The following AGAP1 variants were observed in gnomAD, a reference collection of about 807,000 sequenced individuals.
AGAP1 encodes ArfGAP with GTPase domain, ankyrin repeat and PH domain 1, also known as arf-GAP with GTPase, ANK repeat and PH domain-containing protein 1.
AGAP1 carries 29 observed loss-of-function variants against 105.3 expected under a neutral mutation model. The ratio of observed to expected loss-of-function variants is 0.28; its 90% CI spans 0.21 to 0.38. The LOEUF (loss-of-function observed/expected upper bound fraction) is 0.38. AGAP1 is among the 10% of genes least tolerant of loss of function. The pLI is 1.00. For synonymous variants in AGAP1, 509 were observed against 485.9 expected (o/e 1.05, Z -0.63); for missense variants, 998 against 1,165.1 (o/e 0.86, Z 2.09).
At chr2:235,743,132 A>G (rs144489040) in intron 4 of AGAP1, among the ~76,000 whole-genome samples, 4,495 of 152,290 alleles carry the variant, frequency 0.03, 231 homozygotes, top group African/African-American at 0.1. Context: ...TCACCACTGC[A>G]CTCCAGCCTG....
chr2:235,873,977 C>T (rs186655404), intron 9 of AGAP1, among the ~76,000 whole-genome samples: 10 of 152,318 alleles, frequency 6.6e-5, no homozygotes, highest in Non-Finnish European at 1.2e-4. Context: ...AGTCCCCTCG[C>T]CTCCATCTCC....
chr2:235,521,724 T>A (rs1942620607), intron 1 of AGAP1, among the ~76,000 whole-genome samples: 1 of 136,762 alleles, frequency 7.3e-6, no homozygotes, highest in Admixed American at 8.0e-5. Context: ...CAGTTTCTTG[T>A]TTTTGTTTGT....
chr2:235,689,653 T>G lies in AGAP1; in HGVS notation c.164-19526T>G, dbSNP rs930712632. On this transcript the variant is annotated intron_variant, in intron 1 of 17. Coordinates refer to ENST00000304032, the MANE Select transcript of AGAP1 (RefSeq NM_001037131.3). The surrounding 1 kb of genome is among the most constrained non-coding windows in gnomAD (Gnocchi z 4.2). Reference sequence around the variant, plus strand: ...GTCACCATAGGGACCTCCCCTAACCTCAAATCTGTGTAATGAAGTATCTGC... The same window carrying G: ...GTCACCATAGGGACCTCCCCTAACCGCAAATCTGTGTAATGAAGTATCTGC... Among the ~76,000 whole-genome samples the G allele has an allele frequency of 6.6e-6, 1 of 152,214 alleles. No individual in the cohort carries two copies. The highest frequency in any genetic ancestry group is 1.5e-5 in the Non-Finnish European group (1 of 68,028).
At position 235,556,988 on chromosome 2, in the gene AGAP1, T is replaced by G. The variant is rs1287613617; in HGVS notation, c.163+62139T>G. Among the ~76,000 whole-genome samples, 2 of 152,206 alleles carry G rather than the reference T, an allele frequency of 1.3e-5. No individual in the cohort carries two copies. Among genetic ancestry groups the G allele is most frequent in the African/African-American group, 4.8e-5 (2 of 41,450 alleles). On this transcript the variant is annotated intron_variant, in intron 1 of 17. Coordinates refer to ENST00000304032, the MANE Select transcript of AGAP1 (RefSeq NM_001037131.3). This position sits in a 1 kb window ranked among gnomAD's most constrained non-coding sequence, Gnocchi z 5.3. ...TATAGCGTTTAGTGCACACCTCTTT[T>G]GTGCAACTCAGGGCTTTCTGGAGGT...
chr2:235,939,941 T>TC (rs1363867656), intron 12 of AGAP1, among the ~76,000 whole-genome samples: 3 of 151,928 alleles, frequency 2.0e-5, no homozygotes, highest in African/African-American at 7.3e-5. Flanking sequence ...CAAATTCACA[T>TC]CCCCAGCCAT....
At position 236,123,368 on chromosome 2, in the gene AGAP1, G is replaced by T. The variant is rs1201523769; in HGVS notation, c.2371-551G>T. On this transcript the variant is annotated intron_variant, in intron 17 of 17. Transcript: ENST00000304032. This position sits in a 1 kb window ranked among gnomAD's most constrained non-coding sequence, Gnocchi z 4.6. ...GTGCTTCTGAGTAATTTTTAATGAT[G>T]TAAGAAAATGATCACAGTATAGTAA... Among the ~76,000 whole-genome samples, 1 of 151,988 alleles carries T rather than the reference G, an allele frequency of 6.6e-6. No homozygotes were observed. The highest frequency in any genetic ancestry group is 1.9e-4 in the East Asian group (1 of 5,192).
At position 235,566,793 on chromosome 2, in the gene AGAP1, G is replaced by A. The variant is rs952683029; in HGVS notation, c.163+71944G>A. Among the ~76,000 whole-genome samples, 10 of 152,174 alleles carry A rather than the reference G, an allele frequency of 6.6e-5. No homozygotes were observed. Among genetic ancestry groups the A allele is most frequent in the African/African-American group, 2.2e-4 (9 of 41,434 alleles). On this transcript the variant is annotated intron_variant, in intron 1 of 17. Transcript: ENST00000304032. The surrounding 1 kb of genome is among the most constrained non-coding windows in gnomAD (Gnocchi z 5.2). ...CCCGTGTTAGTTTCCTGTGGCTGCC[G>A]TAACAGCCACAAACTAGGTGGCTTA...
intron 9 of AGAP1, among the ~76,000 whole-genome samples, chr2:235,851,534 C>A (rs1459787504): frequency 1.3e-5 from 2 of 152,120 alleles, no homozygotes; most frequent in African/African-American, 4.8e-5. Flanking sequence ...TGTGTTCTTG[C>A]AGTTACTTGC....
chr2:236,082,659 AG>A lies in AGAP1; in HGVS notation c.2114+33380del, dbSNP rs1289946697. On this transcript the variant is annotated intron_variant, in intron 16 of 17. Coordinates refer to ENST00000304032, the MANE Select transcript of AGAP1 (RefSeq NM_001037131.3). The surrounding 1 kb of genome is among the most constrained non-coding windows in gnomAD (Gnocchi z 4.2). ...GAGGCCAAGACGGGTGGATCACCTGAGGCCAGGAGTTTGAGACCAGCCTGGC... is the reference window on the plus strand; with the variant it reads ...GAGGCCAAGACGGGTGGATCACCTGAGCCAGGAGTTTGAGACCAGCCTGGC... Among the ~76,000 whole-genome samples the A allele has an allele frequency of 1.3e-5, 2 of 152,238 alleles. No homozygotes were observed. The highest frequency in any genetic ancestry group is 4.8e-5 in the African/African-American group (2 of 41,456).
rs35813316 is a variant in AGAP1 at position 235,869,420 on chromosome 2, TAA to T, written c.1051-13895_1051-13894del. On this transcript the variant is annotated intron_variant, in intron 9 of 17. Coordinates refer to ENST00000304032, the MANE Select transcript of AGAP1 (RefSeq NM_001037131.3). ...CAACATGGTGAAACTCCATCTCTAC[TAA>T]AAAAAAAAAAAAAAAAAAAAAAAAA... Among the ~76,000 whole-genome samples the T allele has an allele frequency of 5.8e-3, 290 of 49,892 alleles. 1 individual carries two copies. Among genetic ancestry groups the T allele is most frequent in the Non-Finnish European group, 6.6e-3 (177 of 26,688 alleles). The allele number at this position is 49,892 out of a possible 152,430, so 32.7% of individuals were successfully genotyped here. A position where few individuals can be genotyped will look rare whatever the true frequency, so the allele number is the denominator to read the frequency against.
chr2:235,592,935 G>A (rs1945400099), intron 1 of AGAP1, among the ~76,000 whole-genome samples: 1 of 152,156 alleles, frequency 6.6e-6, no homozygotes, highest in Non-Finnish European at 1.5e-5. Context: ...AATAAGGAGA[G>A]GCTGTCTGAC....
intron 11 of AGAP1, among the ~76,000 whole-genome samples, chr2:235,928,547 G>A (rs905139866): frequency 1.4e-4 from 21 of 152,226 alleles, no homozygotes; most frequent in Non-Finnish European, 4.4e-5. Flanking sequence ...AAGCTAGAAG[G>A]TGCTGGAGCC....
Position 235,611,342 on chromosome 2 carries a change from C to G in AGAP1, c.164-97837C>G, listed in dbSNP as rs941997366. ...GCCCCTTGAGGTCAGGATGCTGCAACGAATATAATAGAAAATGATGTTAAT... is the reference window on the plus strand; with the variant it reads ...GCCCCTTGAGGTCAGGATGCTGCAAGGAATATAATAGAAAATGATGTTAAT... On this transcript the variant is annotated intron_variant, in intron 1 of 17. Coordinates refer to ENST00000304032, the MANE Select transcript of AGAP1 (RefSeq NM_001037131.3). This position sits in a 1 kb window ranked among gnomAD's most constrained non-coding sequence, Gnocchi z 5.0. Among the ~76,000 whole-genome samples the G allele has an allele frequency of 6.6e-6, 1 of 152,266 alleles. No individual in the cohort carries two copies. Among genetic ancestry groups the G allele is most frequent in the Non-Finnish European group, 1.5e-5 (1 of 68,028 alleles).
chr2:236,086,828 A>G (rs914945088), intron 16 of AGAP1, among the ~76,000 whole-genome samples: 1 of 151,796 alleles, frequency 6.6e-6, no homozygotes, highest in Non-Finnish European at 1.5e-5. Flanking sequence ...CATAAATTTA[A>G]TTTCTTCAAG....
intron 1 of AGAP1, among the ~76,000 whole-genome samples, chr2:235,686,540 G>A (rs1404417898): frequency 2.7e-5 from 3 of 110,048 alleles, no homozygotes; most frequent in African/African-American, 1.2e-4. Context: ...TGGTTCCCAG[G>A]AAGGAGATAT....
intron 6 of AGAP1, among the ~76,000 whole-genome samples, chr2:235,756,270 G>C (rs747508522): frequency 1.8e-4 from 27 of 152,190 alleles, no homozygotes; most frequent in Non-Finnish European, 3.4e-4. Context: ...TGTGGCATCT[G>C]TTCAATCGGG....
At chr2:235,541,066 GAATATTCCAGA>G (rs538529624) in intron 1 of AGAP1, among the ~76,000 whole-genome samples, 9 of 152,084 alleles carry the variant, frequency 5.9e-5, no homozygotes, top group Non-Finnish European at 1.0e-4. Flanking sequence ...AATGATTTTG[GAATATTCCAGA>G]AATTTTCTAT....
Position 235,671,404 on chromosome 2 carries a change from G to C in AGAP1, c.164-37775G>C, listed in dbSNP as rs552922647. On this transcript the variant is annotated intron_variant, in intron 1 of 17. Coordinates refer to ENST00000304032, the MANE Select transcript of AGAP1 (RefSeq NM_001037131.3). ...GAGCTGGCTGCCCGCGACACCTGTG[G>C]GGCCGCCCCAGGGAGCCGAGGCTCG... 2.3e-4 allele frequency among the ~76,000 whole-genome samples: 35 copies of C among 152,300 alleles called. No homozygotes were observed. In the South Asian group the frequency reaches 7.0e-3, roughly 31 times the overall value.
In AGAP1 at chr2:235,950,056, G is replaced by C. The variant is rs375352948; in HGVS notation, c.1484-18406G>C. ...CTGGAGGGTTGCTGGGAGATGCTTG[G>C]GCACAGAGAGTGAGGTGTTTGCTGG... On this transcript the variant is annotated intron_variant, in intron 12 of 17. Transcript: ENST00000304032. Among the ~76,000 whole-genome samples the C allele has an allele frequency of 4.4e-4, 67 of 152,238 alleles. 1 individual carries two copies. Among genetic ancestry groups the C allele is most frequent in the African/African-American group, 1.6e-3 (65 of 41,548 alleles).
Sources: gnomAD v4.1 joint callset for allele counts (sites outside exome capture counted in the v4.1 genomes callset) on GRCh38, gnomAD v4.1.1 for gene constraint, Gnocchi (gnomAD v3.1) non-coding constraint, MANE v1.5 for transcripts, NCBI Gene and HGNC (gene_info 2026-07-23, HGNC 2026-07-21) for gene names.